The following ARID1B variants were observed in gnomAD, a reference collection of about 807,000 sequenced individuals.
The protein encoded by ARID1B is AT-rich interactive domain-containing protein 1B.
A neutral mutation model predicts 212.3 loss-of-function variants in ARID1B; 30 were observed. The ratio of observed to expected loss-of-function variants is 0.14; its 90% confidence interval spans 0.11 to 0.19. The LOEUF is 0.19. Among genes scored for constraint, ARID1B ranks in the 10% least tolerant of loss-of-function variants. The pLI is 1.00. For missense variants in ARID1B, 2,891 were observed against 3,204.0 expected (o/e 0.90, Z 2.36); for synonymous variants, 1,402 against 1,301.7 (o/e 1.08, Z -1.66).
chr6:157,021,632 G>A (rs551051932), intron 4 of ARID1B, among the ~76,000 whole-genome samples: 19 of 152,180 alleles, frequency 1.2e-4, no homozygotes, highest in African/African-American at 4.3e-4. Context: ...GCCGCGCACA[G>A]ATGAGCCTTT....
At chr6:157,111,364 C>T (rs562836651) in intron 6 of ARID1B, 12 of 152,410 alleles carry the variant, frequency 7.9e-5, no homozygotes, top group African/African-American at 2.6e-4. Context: ...TTGGTGTATT[C>T]TGGAGGTACA....
At chr6:157,183,732 G>T (rs555823645) in intron 12 of ARID1B, among the ~76,000 whole-genome samples, 2 of 152,186 alleles carry the variant, frequency 1.3e-5, no homozygotes, top group East Asian at 3.9e-4. Flanking sequence ...GTTGGGGGCC[G>T]TTGGTCCAGG....
intron 2 of ARID1B, among the ~76,000 whole-genome samples, chr6:156,877,098 T>C (rs1048310966): frequency 6.6e-6 from 1 of 152,172 alleles, no homozygotes; most frequent in Non-Finnish European, 1.5e-5. Flanking sequence ...GTTCTATGAA[T>C]CCCGAATGTT....
intron 4 of ARID1B, among the ~76,000 whole-genome samples, chr6:157,011,430 A>G (rs1212303034): frequency 1.3e-5 from 2 of 152,250 alleles, no homozygotes; most frequent in Non-Finnish European, 2.9e-5. Context: ...AGTTAAAATG[A>G]ACTAAGTGGA....
At chr6:157,162,992 G>A (rs1403817685) in intron 8 of ARID1B, among the ~76,000 whole-genome samples, 1 of 152,210 alleles carries the variant, frequency 6.6e-6, no homozygotes, top group African/African-American at 2.4e-5. Flanking sequence ...GGTCTGGGGG[G>A]AGGCTTTGCT....
intron 2 of ARID1B, among the ~76,000 whole-genome samples, chr6:156,884,863 A>G (rs1787383782): frequency 6.6e-6 from 1 of 152,158 alleles, no homozygotes; most frequent in African/African-American, 2.4e-5. Context: ...ATTTCCCCCC[A>G]GTTCCTTATA....
At chr6:156,874,771 C>T (rs1786412599) in intron 2 of ARID1B, among the ~76,000 whole-genome samples, 1 of 152,202 alleles carries the variant, frequency 6.6e-6, no homozygotes, top group Non-Finnish European at 1.5e-5. Context: ...ACAACCCTGG[C>T]TACTCCTCAA....
chr6:157,003,120 G>A (rs1289719925), intron 4 of ARID1B, among the ~76,000 whole-genome samples: 1 of 152,226 alleles, frequency 6.6e-6, no homozygotes, highest in Non-Finnish European at 1.5e-5. Context: ...CCTGTGAGGA[G>A]GTTAGCCTTG....
At position 156,950,607 on chromosome 6, in the gene ARID1B, G is replaced by A. The variant is rs71578592; in HGVS notation, c.2247+15031G>A. Among the ~76,000 whole-genome samples, 373 of 57,088 alleles carry A rather than the reference G, an allele frequency of 6.5e-3. 1 individual carries two copies. The highest frequency in any genetic ancestry group is 0.028 in the Middle Eastern group (5 of 176). The allele number at this position is 57,088 out of a possible 152,430, so 37.5% of individuals were successfully genotyped here. ...GTTGTGGGCCAGGTGGTATTTTGCG[G>A]GGGGGTAACAACCTGAAAGTTGTCC... On this transcript the variant is annotated intron_variant, in intron 4 of 19. Transcript: ENST00000636930.
intron 4 of ARID1B, among the ~76,000 whole-genome samples, chr6:157,076,253 G>A (rs868321080): frequency 1.3e-5 from 2 of 152,044 alleles, no homozygotes; most frequent in Admixed American, 6.6e-5. Context: ...ATTTTTCATA[G>A]TAGACTCCAC....
intron 4 of ARID1B, among the ~76,000 whole-genome samples, chr6:157,026,701 T>TG (rs559965296): frequency 7.2e-5 from 11 of 152,228 alleles, no homozygotes; most frequent in Admixed American, 2.6e-4. Flanking sequence ...ATTTTTGAGA[T>TG]GGGGGGGTCT....
intron 8 of ARID1B, among the ~76,000 whole-genome samples, chr6:157,160,777 G>A (rs893142137): frequency 1.3e-5 from 2 of 152,114 alleles, no homozygotes; most frequent in African/African-American, 4.8e-5. Context: ...ATGCCCCAGG[G>A]CCCTTGAATT....
chr6:156,997,142 A>G (rs1385678701), intron 4 of ARID1B, among the ~76,000 whole-genome samples: 1 of 152,236 alleles, frequency 6.6e-6, no homozygotes, highest in Non-Finnish European at 1.5e-5. Context: ...ACACCAAAAT[A>G]GATATAAAAT....
chr6:156,857,654 A>T (rs960836639), intron 2 of ARID1B, among the ~76,000 whole-genome samples: 7 of 152,242 alleles, frequency 4.6e-5, no homozygotes, highest in African/African-American at 1.7e-4. Flanking sequence ...AGAGGCAAAT[A>T]GTGTTCTGTT....
intron 2 of ARID1B, among the ~76,000 whole-genome samples, chr6:156,860,828 C>G (rs1419550416): frequency 6.6e-6 from 1 of 151,978 alleles, no homozygotes; most frequent in Non-Finnish European, 1.5e-5. Context: ...TTTTTTTCCC[C>G]CTCTACTTCT....
intron 4 of ARID1B, among the ~76,000 whole-genome samples, chr6:157,058,431 A>T (rs1783113075): frequency 6.6e-6 from 1 of 151,870 alleles, no homozygotes; most frequent in Non-Finnish European, 1.5e-5. Context: ...TGCTGGGCTA[A>T]TTTTTGTATT....
At chr6:157,086,253 T>C (rs903829666) in intron 5 of ARID1B, among the ~76,000 whole-genome samples, 3 of 152,236 alleles carry the variant, frequency 2.0e-5, no homozygotes, top group Non-Finnish European at 4.4e-5. Context: ...TAATTTGATA[T>C]AGGTATACGC....
intron 1 of ARID1B, among the ~76,000 whole-genome samples, chr6:156,815,760 C>T (rs1781922276): frequency 6.6e-6 from 1 of 152,142 alleles, no homozygotes; most frequent in Admixed American, 6.6e-5. Context: ...TGTTACTATC[C>T]AGCTATATAT....
At chr6:157,022,345 C>T (rs2128478011) in intron 4 of ARID1B, 1 of 152,430 alleles carries the variant, frequency 6.6e-6, no homozygotes, top group African/African-American at 2.4e-5. Flanking sequence ...GCTGGGAAAA[C>T]CAACTCACAG....
Sources: gnomAD v4.1 joint callset for allele counts (sites outside exome capture counted in the v4.1 genomes callset) on GRCh38, gnomAD v4.1.1 for gene constraint, MANE v1.5 for transcripts, NCBI Gene and HGNC (gene_info 2026-07-23, HGNC 2026-07-21) for gene names.